The following UBE2L3 variants were observed in gnomAD, a reference collection of about 807,000 sequenced individuals.
UBE2L3 encodes the protein ubiquitin-conjugating enzyme E2 L3.
A neutral mutation model predicts 17.8 loss-of-function variants in UBE2L3; 1 was observed. The ratio of observed to expected loss-of-function variants is 0.06; its 90% confidence interval spans 0.02 to 0.27. UBE2L3 has a LOEUF of 0.27. UBE2L3 is among the 10% of genes least tolerant of loss of function. The pLI, the probability that UBE2L3 is intolerant of heterozygous loss-of-function variation, is 1.00. For missense variants in UBE2L3, 40 were observed against 192.6 expected, an observed-to-expected ratio of 0.21 and a Z score of 4.69; for synonymous variants, 44 against 68.5, an observed-to-expected ratio of 0.64 and a Z score of 1.76.
intron 1 of UBE2L3, among the ~76,000 whole-genome samples, chr22:21,571,082 A>T (rs975002043): frequency 6.6e-6 from 1 of 152,212 alleles, no homozygotes; most frequent in Admixed American, 6.5e-5. Context: ...AGGAGGCTTA[A>T]CCTCTTTTAG....
At chr22:21,615,042 C>T (rs183705121) in intron 3 of UBE2L3, among the ~76,000 whole-genome samples, 2 of 151,898 alleles carry the variant, frequency 1.3e-5, no homozygotes, top group Non-Finnish European at 2.9e-5. Flanking sequence ...GTAATCCCAG[C>T]TACATGGGAG....
intron 1 of UBE2L3, among the ~76,000 whole-genome samples, chr22:21,580,810 CCTGACCT>C (rs1927577299): frequency 6.6e-6 from 1 of 151,744 alleles, no homozygotes; most frequent in African/African-American, 2.4e-5. Flanking sequence ...GCCTCGAACT[CCTGACCT>C]CATATGATCT....
chr22:21,578,511 G>T (rs1174449001), intron 1 of UBE2L3, among the ~76,000 whole-genome samples: 1 of 152,138 alleles, frequency 6.6e-6, no homozygotes, highest in African/African-American at 2.4e-5. Context: ...GACTTGAAGA[G>T]GTCGGTGTCC....
At chr22:21,616,573 A>G (rs1929785627) in intron 3 of UBE2L3, among the ~76,000 whole-genome samples, 1 of 150,918 alleles carries the variant, frequency 6.6e-6, no homozygotes, top group Non-Finnish European at 1.5e-5. Flanking sequence ...AATCACTTGA[A>G]CCCGAGAGGC....
chr22:21,569,496 C>G (rs1013161434), intron 1 of UBE2L3, among the ~76,000 whole-genome samples: 5 of 152,078 alleles, frequency 3.3e-5, no homozygotes, highest in African/African-American at 1.2e-4. Flanking sequence ...GGTGCCCTCC[C>G]AAGTGCTCTC....
upstream of UBE2L3, among the ~76,000 whole-genome samples, chr22:21,564,317 A>G (rs549382851): frequency 2.0e-5 from 3 of 152,266 alleles, no homozygotes; most frequent in South Asian, 6.2e-4. Context: ...TACAGGCATG[A>G]GTCACCACAA....
At chr22:21,564,927 G>A (rs1291051347), upstream of UBE2L3, among the ~76,000 whole-genome samples, 1 of 152,046 alleles carries the variant, frequency 6.6e-6, no homozygotes, top group Non-Finnish European at 1.5e-5. Flanking sequence ...TCATGCATAC[G>A]CTGAATGTGT....
At chr22:21,604,576 C>T (rs8140533) in intron 2 of UBE2L3, among the ~76,000 whole-genome samples, 1 of 152,128 alleles carries the variant, frequency 6.6e-6, no homozygotes, top group Non-Finnish European at 1.5e-5. Context: ...AAATTTTCTG[C>T]AATGTTTTAT....
rs190117915 is a variant in UBE2L3 at position 21,579,866 on chromosome 22, T to C, written c.27+12095T>C. ...GCATTTCTGTTACAATTATTTACTT[T>C]GATAGACCAGTTATACTGGAATTTG... On this transcript the variant is annotated intron_variant, in intron 1 of 3. Coordinates refer to ENST00000342192, the MANE Select transcript of UBE2L3 (RefSeq NM_003347.4). Among the ~76,000 whole-genome samples, 106 of 152,314 alleles carry C rather than the reference T, an allele frequency of 7.0e-4. 1 individual carries two copies. Among genetic ancestry groups the C allele is most frequent in the Non-Finnish European group, 1.2e-3 (79 of 68,032 alleles).
chr22:21,580,716 C>T (rs912003593), intron 1 of UBE2L3, among the ~76,000 whole-genome samples: 2 of 151,864 alleles, frequency 1.3e-5, no homozygotes, highest in Non-Finnish European at 2.9e-5. Flanking sequence ...TCCCAAAATG[C>T]GGGATTACAG....
chr22:21,562,794 C>A (rs1488109537), upstream of UBE2L3, among the ~76,000 whole-genome samples: 1 of 151,264 alleles, frequency 6.6e-6, no homozygotes, highest in South Asian at 2.1e-4. Context: ...CGTGAGCCAC[C>A]GCGCCTGGCC....
At chr22:21,606,316 T>TGTGTGTGTGTGTGTG (rs893250012) in intron 2 of UBE2L3, among the ~76,000 whole-genome samples, 2 of 122,174 alleles carry the variant, frequency 1.6e-5, no homozygotes, top group East Asian at 6.0e-4. Context: ...GTGTGTGGTA[T>TGTGTGTGTGTGTGTG]GTGTGTGTGT....
chr22:21,551,917 CAT>C (rs1402466086), intron 1 of UBE2L3, among the ~76,000 whole-genome samples: 9 of 84,600 alleles, frequency 1.1e-4, no homozygotes, highest in African/African-American at 5.4e-4. Context: ...CACACACACA[CAT>C]ACTGAGCTGA....
At chr22:21,581,970 A>G (rs1927663636) in intron 1 of UBE2L3, among the ~76,000 whole-genome samples, 1 of 149,990 alleles carries the variant, frequency 6.7e-6, no homozygotes, top group Admixed American at 6.7e-5. Context: ...AACAAAAATA[A>G]TTAGCCAGGC....
chr22:21,606,302 G>A lies in UBE2L3; in HGVS notation c.124-4555G>A, dbSNP rs1012346610. On this transcript the variant is annotated intron_variant, in intron 2 of 3. Coordinates refer to ENST00000342192, the MANE Select transcript of UBE2L3 (RefSeq NM_003347.4). Reference sequence around the variant, plus strand: ...GTCATGCAGGAAAGTGTGCGCGCGCGCGTGTGTGTGGTATGTGTGTGTGTG... The same window carrying A: ...GTCATGCAGGAAAGTGTGCGCGCGCACGTGTGTGTGGTATGTGTGTGTGTG... Among the ~76,000 whole-genome samples, 5 of 152,024 alleles carry A rather than the reference G, an allele frequency of 3.3e-5. No homozygotes were observed. In the East Asian group the frequency reaches 5.8e-4, roughly 18 times the overall value.
chr22:21,620,525 G>T (rs1929992947), intron 3 of UBE2L3, among the ~76,000 whole-genome samples: 1 of 152,158 alleles, frequency 6.6e-6, no homozygotes, highest in South Asian at 2.1e-4. Flanking sequence ...TCCTGACAGG[G>T]TCAGGGGGCA....
chr22:21,597,013 CTG>C (rs541606636), intron 2 of UBE2L3, among the ~76,000 whole-genome samples: 164 of 152,212 alleles, frequency 1.1e-3, no homozygotes, highest in African/African-American at 3.3e-3. Context: ...GGGTCTCACT[CTG>C]TTGCCCAGGC....
intron 2 of UBE2L3, among the ~76,000 whole-genome samples, chr22:21,604,482 G>A (rs933922146): frequency 5.3e-5 from 8 of 152,172 alleles, no homozygotes; most frequent in Admixed American, 3.3e-4. Context: ...CTGGGCAAGC[G>A]TGAGACTCTA....
In UBE2L3 at chr22:21,568,513, GTCGT is replaced by G. The variant is rs1252926138; in HGVS notation, c.27+746_27+749del. The G allele has an allele frequency of 1.4e-5, 12 of 856,178 alleles. No homozygotes were observed. The African/African-American group carries it at 1.8e-4, about 13-fold the overall frequency. 53.0% of individuals were successfully genotyped at this position (856,178 alleles called of 1,614,324 possible). A position where few individuals can be genotyped will look rare whatever the true frequency, so the allele number is the denominator to read the frequency against. ...TTTGGGGGGATAACGGTTGATTTCA[GTCGT>G]TCGAATCAAAACGGGCCAAAGTTTA... On this transcript the variant is annotated intron_variant, in intron 1 of 3. Transcript: ENST00000342192.
Sources: gnomAD v4.1 joint callset for allele counts (sites outside exome capture counted in the v4.1 genomes callset) on GRCh38, gnomAD v4.1.1 for gene constraint, MANE v1.5 for transcripts, NCBI Gene and HGNC (gene_info 2026-07-23, HGNC 2026-07-21) for gene names.